FH: variants seen among roughly 807,000 people sequenced by gnomAD.
FH encodes the protein fumarate hydratase, also known as fumarate hydratase, mitochondrial.
A neutral mutation model predicts 49.4 loss-of-function variants in FH; 22 were observed. That is an observed-to-expected ratio of 0.45 (90% CI 0.32 to 0.64). FH has a LOEUF of 0.64. Ranked by LOEUF, FH falls within the 30% of genes least tolerant of loss-of-function variation. The pLI is 0.05. For missense variants in FH, 526 were observed against 641.5 expected, an observed-to-expected ratio of 0.82 and a Z score of 1.95; for synonymous variants, 208 against 223.0, an observed-to-expected ratio of 0.93 and a Z score of 0.60.
At chr1:241,505,541 A>T (rs2147917188) in intron 6 of FH, among the ~76,000 whole-genome samples, 1 of 152,322 alleles carries the variant, frequency 6.6e-6, no homozygotes, top group Non-Finnish European at 1.5e-5. Context: ...AGTTATCATT[A>T]TCTAAAGTAT....
In FH at chr1:241,509,438, T is replaced by C. The variant is rs1573883814; in HGVS notation, c.556-653A>G. ...ACCTGAGACCTAGCCAGGTAGTATA[T>C]ACTCAGTGCTCTTTCCTCAACTGTT... On this transcript the variant is annotated intron_variant, in intron 4 of 9. Transcript: ENST00000366560. 3.9e-5 allele frequency among the ~76,000 whole-genome samples: 6 copies of C among 152,270 alleles called. 1 individual carries two copies.
chr1:241,508,910 TG>T lies in FH; in HGVS notation c.556-126del, dbSNP rs1660003861. On this transcript the variant is annotated intron_variant, in intron 4 of 9. Transcript: ENST00000366560. ...CTACTCAAAACCCAGCTCAGTTACA[TG>T]TATGTGTGGCATGTCATAGGTGAGT... 15 of 725,978 alleles carry T rather than the reference TG, an allele frequency of 2.1e-5. No homozygotes were observed. The South Asian group carries it at 2.7e-4, about 13-fold the overall frequency. 45.0% of individuals were successfully genotyped at this position (725,978 alleles called of 1,614,324 possible).
chr1:241,519,157 C>A, intron 1 of FH: 2 of 171,682 alleles, frequency 1.2e-5, no homozygotes, highest in South Asian at 2.6e-4. Flanking sequence ...CCAGCAAGGC[C>A]CAGCTATGGG....
chr1:241,498,060 G>C (rs750884436), intron 9 of FH, 90 bp from the exon 10 acceptor site: 2 of 1,236,452 alleles, frequency 1.6e-6, no homozygotes, highest in Non-Finnish European at 1.2e-6. Context: ...ACTTGATATT[G>C]ATGCTATATG....
intron 2 of FH, among the ~76,000 whole-genome samples, chr1:241,516,505 G>C (rs760345555): frequency 3.3e-5 from 5 of 152,132 alleles, no homozygotes. Flanking sequence ...GGGGCCTGTG[G>C]GCGGAGGGGG....
At chr1:241,516,223 A>T (rs931728121) in intron 2 of FH, among the ~76,000 whole-genome samples, 1 of 152,224 alleles carries the variant, frequency 6.6e-6, no homozygotes, top group Non-Finnish European at 1.5e-5. Context: ...ATAAAAATCC[A>T]AAATAACTAT....
chr1:241,518,611 C>T (rs749622346), intron 1 of FH, among the ~76,000 whole-genome samples: 14 of 152,328 alleles, frequency 9.2e-5, no homozygotes, highest in Non-Finnish European at 2.1e-4. Flanking sequence ...GGTATTTTCA[C>T]ATGTGCAGTT....
intron 4 of FH, among the ~76,000 whole-genome samples, chr1:241,510,658 A>C (rs549820931): frequency 1.3e-5 from 2 of 152,262 alleles, no homozygotes; most frequent in African/African-American, 4.8e-5. Flanking sequence ...TAGTAGGAAA[A>C]AGTTTAAGGA....
chr1:241,499,228 C>T (rs1659706418), intron 9 of FH, among the ~76,000 whole-genome samples: 1 of 152,188 alleles, frequency 6.6e-6, no homozygotes, highest in Non-Finnish European at 1.5e-5. Flanking sequence ...ACCAAGTCAA[C>T]TAGTGAGGTG....
In FH at chr1:241,512,123, A is replaced by G. The variant is rs376056309; in HGVS notation, c.399T>C (p.Asn133=). The G allele has an allele frequency of 7.2e-5, 116 of 1,613,680 alleles. No individual in the cohort carries two copies. The highest frequency in any genetic ancestry group is 8.6e-5 in the Non-Finnish European group (101 of 1,179,766). Residue 133 remains asparagine (N), a synonymous_variant, in exon 4 of 10, where the codon AAT becomes AAC. Transcript: ENST00000366560. ...AADEVAEGKL[N]DHFPLVVWQT... The stretch of plus-strand genomic sequence containing the variant: ...GCCATACCACGAGAGGAAAATGATC[A>G]TTTAATTTACCTTCAGCTACCTGCA...
intron 4 of FH, 176 bp downstream of exon 4, chr1:241,511,791 T>C: frequency 1.6e-6 from 1 of 607,068 alleles, no homozygotes; most frequent in South Asian, 2.2e-5. Flanking sequence ...TAAAAATAAT[T>C]TTTATAAGGA....
rs1408439928 is a variant in FH at position 241,502,518 on chromosome 1, G to A, written c.1161C>T (p.Val387=). The change falls in exon 8 of 10, where the codon GTC becomes GTT. Residue 387 remains valine (V), a synonymous_variant. Transcript: ENST00000366560. Reference sequence around the variant, plus strand: ...CAGTGACAGCAACATGGTTCCCCATGACTTGGGCTGCAACCATGGTCATTG... The same window carrying A: ...CAGTGACAGCAACATGGTTCCCCATAACTTGGGCTGCAACCATGGTCATTG... The part of the protein sequence containing the change: ...CEAMTMVAAQ[V]MGNHVAVTVG... The A allele has an allele frequency of 1.2e-6, 2 of 1,614,014 alleles. No homozygotes were observed. Among genetic ancestry groups the A allele is most frequent in the African/African-American group, 2.7e-5 (2 of 74,934 alleles).
intron 9 of FH, among the ~76,000 whole-genome samples, chr1:241,499,079 T>C (rs557450025): frequency 1.3e-5 from 2 of 152,196 alleles, no homozygotes; most frequent in African/African-American, 2.4e-5. Flanking sequence ...GATCAATATA[T>C]ATCCAGTACT....
In FH at chr1:241,500,696, T is replaced by C. The variant is rs887125405; in HGVS notation, c.1237-106A>G. 1.5e-5 allele frequency: 22 copies of C among 1,443,156 alleles called. No homozygotes were observed. In the African/African-American group the frequency reaches 3.0e-4, roughly 19 times the overall value. 89.4% of individuals were successfully genotyped at this position (1,443,156 alleles called of 1,614,324 possible). A position where few individuals can be genotyped will look rare whatever the true frequency, so the allele number is the denominator to read the frequency against. The stretch of plus-strand genomic sequence containing the variant: ...TAACATATTATTTTCTGGTTGACAG[T>C]AAATATACAATTCAATAAACATATA... On this transcript the variant is annotated intron_variant, in intron 8 of 9. Transcript: ENST00000366560.
chr1:241,498,694 C>CATATATATATATATACATAT, intron 9 of FH, among the ~76,000 whole-genome samples: 1 of 53,178 alleles, frequency 1.9e-5, no homozygotes, highest in Admixed American at 2.1e-4. Context: ...GCTGTCTTAA[C>CATATATATATATATACATAT]ATATATATAT....
intron 6 of FH, among the ~76,000 whole-genome samples, chr1:241,505,599 T>C (rs185316815): frequency 6.6e-6 from 1 of 152,144 alleles, no homozygotes; most frequent in East Asian, 1.9e-4. Context: ...AGGTCAATAA[T>C]TCAAAGAATT....
chr1:241,500,411 G>C, intron 9 of FH, 26 bp downstream of exon 9: 1 of 1,608,572 alleles, frequency 6.2e-7, no homozygotes, highest in Non-Finnish European at 8.5e-7. Context: ...CATTCAAAAT[G>C]ATATTATTAT....
chr1:241,512,937 G>GTGTA (rs758667284), intron 3 of FH, among the ~76,000 whole-genome samples: 2 of 145,660 alleles, frequency 1.4e-5, no homozygotes, highest in Admixed American at 6.9e-5. Context: ...GTGTGTGTGT[G>GTGTA]TATATGAGAA....
At chr1:241,519,493 C>G in intron 1 of FH, 98 bp downstream of exon 1, 3 of 1,421,188 alleles carry the variant, frequency 2.1e-6, no homozygotes, top group Non-Finnish European at 2.8e-6. Flanking sequence ...CCCGGACGCC[C>G]GGGGAATCTC....
Sources: gnomAD v4.1 joint callset for allele counts (sites outside exome capture counted in the v4.1 genomes callset) on GRCh38, gnomAD v4.1.1 for gene constraint, MANE v1.5 for transcripts, NCBI Gene and HGNC (gene_info 2026-07-23, HGNC 2026-07-21) for gene names.